TTLL4: variants seen among roughly 807,000 people sequenced by gnomAD.
The protein encoded by TTLL4 is tubulin monoglutamylase TTLL4.
A neutral mutation model predicts 122.7 loss-of-function variants in TTLL4; 85 were observed. The observed-to-expected ratio is 0.69, with a 90% confidence interval of 0.58 to 0.83. TTLL4 has a LOEUF of 0.83. TTLL4 is among the 40% of genes least tolerant of loss of function. The pLI is 0.00. For synonymous variants in TTLL4, 553 were observed against 563.0 expected, an observed-to-expected ratio of 0.98 and a Z score of 0.25; for missense variants, 1,363 against 1,488.6, an observed-to-expected ratio of 0.92 and a Z score of 1.39.
At chr2:218,729,760 A>C (rs56400308) in intron 2 of TTLL4, among the ~76,000 whole-genome samples, 28 of 73,750 alleles carry the variant, frequency 3.8e-4, no homozygotes, top group African/African-American at 1.2e-3. Flanking sequence ...AAAAAAAAAA[A>C]AACAAAAAAA....
Position 218,754,792 on chromosome 2 carries a change from T to C in TTLL4, c.*403T>C. 1 of 208,316 alleles carries C rather than the reference T, an allele frequency of 4.8e-6. No individual in the cohort carries two copies. Among genetic ancestry groups the C allele is most frequent in the East Asian group, 1.2e-4 (1 of 8,324 alleles). The allele number at this position is 208,316 out of a possible 1,614,324, so 12.9% of individuals were successfully genotyped here. The stretch of plus-strand genomic sequence containing the variant: ...GAACATATTTGGACCGGAAATCCTT[T>C]GTTCTGAATTTGAGGGGGTCTTCTG... On this transcript the variant is annotated 3_prime_UTR_variant, in exon 20 of 20. Transcript: ENST00000392102.
At position 218,739,138 on chromosome 2, in the gene TTLL4, C is replaced by T; in HGVS notation, c.1462C>T (p.Leu488=). Residue 488 remains leucine (L), a synonymous_variant, in exon 3 of 20, where the codon CTG becomes TTG. Transcript: ENST00000392102. ...GGAGAGACCTGAGGAGGCCAGGGAG[C>T]TGGACTCATCTGATAGGGATATTAG... The part of the protein sequence containing the change: ...EKERPEEARE[L]DSSDRDISSA... 1 of 1,613,460 alleles carries T rather than the reference C, an allele frequency of 6.2e-7. No homozygotes were observed. The highest frequency in any genetic ancestry group is 8.5e-7 in the Non-Finnish European group (1 of 1,179,976).
At chr2:218,717,074 C>A (rs145721621) in intron 1 of TTLL4, among the ~76,000 whole-genome samples, 1 of 152,156 alleles carries the variant, frequency 6.6e-6, no homozygotes, top group East Asian at 1.9e-4. Flanking sequence ...CTCCACCCCC[C>A]AGGCTCAGGT....
chr2:218,739,154 G>C lies in TTLL4; in HGVS notation c.1478G>C (p.Arg493Thr). ...GCCAGGGAGCTGGACTCATCTGATA[G>C]GGATATTAGGTATGTTGGCAATGTT... Reference protein sequence around the residue: ...EEARELDSSDRDISSATDLQP... With the variant: ...EEARELDSSDTDISSATDLQP... The change falls in exon 3 of 20, where the codon AGG (arginine) becomes ACG (threonine). Residue 493 changes from arginine (R) to threonine (T), a missense_variant. Arg to Thr is a moderately conservative substitution (Grantham distance 71, BLOSUM62 -1). Coordinates refer to ENST00000392102, the MANE Select transcript of TTLL4 (RefSeq NM_014640.5). The C allele has an allele frequency of 6.2e-7, 1 of 1,610,280 alleles. No homozygotes were observed. The highest frequency in any genetic ancestry group is 2.2e-5 in the East Asian group (1 of 44,848).
At chr2:218,735,733 C>T (rs1369561569) in intron 2 of TTLL4, among the ~76,000 whole-genome samples, 2 of 148,134 alleles carry the variant, frequency 1.4e-5, no homozygotes, top group East Asian at 2.1e-4. Context: ...AGTGCGATGG[C>T]GCGATCTCGG....
intron 8 of TTLL4, 145 bp downstream of exon 8, chr2:218,746,376 CG>C: frequency 1.2e-6 from 1 of 800,736 alleles, no homozygotes; most frequent in Admixed American, 2.2e-5. Context: ...AAGTACAGGA[CG>C]GGGGTACAGT....
intron 16 of TTLL4, among the ~76,000 whole-genome samples, chr2:218,752,530 C>T (rs534731985): frequency 6.6e-6 from 1 of 152,240 alleles, no homozygotes; most frequent in African/African-American, 2.4e-5. Context: ...ACCTCTCAGC[C>T]CCAGTGGCTC....
At position 218,728,513 on chromosome 2, in the gene TTLL4, G is replaced by A. The variant is rs1942260614; in HGVS notation, c.-99+1166G>A. Among the ~76,000 whole-genome samples the A allele has an allele frequency of 2.6e-5, 4 of 152,234 alleles. No homozygotes were observed. The South Asian group carries it at 8.3e-4, about 31-fold the overall frequency. On this transcript the variant is annotated intron_variant, in intron 2 of 19. Coordinates refer to ENST00000392102, the MANE Select transcript of TTLL4 (RefSeq NM_014640.5). ...CTTACCTAAGTGGTAATGCCCGCTT[G>A]CCCAATGCTCAGCTCCTGCTGTGTG...
chr2:218,749,068 C>G lies in TTLL4; in HGVS notation c.2600+134C>G, dbSNP rs1942942802. The G allele has an allele frequency of 3.2e-6, 4 of 1,244,276 alleles. No individual in the cohort carries two copies. The South Asian group carries it at 5.7e-5, about 18-fold the overall frequency. 77.1% of individuals were successfully genotyped at this position (1,244,276 alleles called of 1,614,324 possible). Reference sequence around the variant, plus strand: ...AAGGACAGAGAATAGGAAGGAGTGGCCAGAGTTAAGTTCTAATGAACCTCA... The same window carrying G: ...AAGGACAGAGAATAGGAAGGAGTGGGCAGAGTTAAGTTCTAATGAACCTCA... On this transcript the variant is annotated intron_variant, in intron 13 of 19. Transcript: ENST00000392102.
At chr2:218,740,632 TTAA>T (rs1240635178) in intron 5 of TTLL4, 48 bp downstream of exon 5, 1 of 1,597,056 alleles carries the variant, frequency 6.3e-7, no homozygotes, top group Admixed American at 1.7e-5. Context: ...CTTTTGTCTC[TTAA>T]AGATTATAAA....
At position 218,738,072 on chromosome 2, in the gene TTLL4, G is replaced by A. The variant is rs1361133920; in HGVS notation, c.396G>A (p.Glu132=). 2 of 1,613,990 alleles carry A rather than the reference G, an allele frequency of 1.2e-6. No individual in the cohort carries two copies. Among genetic ancestry groups the A allele is most frequent in the Non-Finnish European group, 1.7e-6 (2 of 1,180,044 alleles). ...GGCAAAAACCGTACCAGCAACTGGA[G>A]TCTTTCTGCTTGCGTTCGAGCCCGT... The part of the protein sequence containing the change: ...SYRQKPYQQL[E]SFCLRSSPSE... Residue 132 remains glutamate, a synonymous_variant, in exon 3 of 20, where the codon GAG becomes GAA. Coordinates refer to ENST00000392102, the MANE Select transcript of TTLL4 (RefSeq NM_014640.5).
At chr2:218,756,857 C>T (rs1312328525), downstream of TTLL4, among the ~76,000 whole-genome samples, 7 of 152,132 alleles carry the variant, frequency 4.6e-5, no homozygotes, top group African/African-American at 7.2e-5. Flanking sequence ...GGAGGGCAGT[C>T]ACTGCTGTTT....
intron 2 of TTLL4, among the ~76,000 whole-genome samples, chr2:218,728,633 G>A (rs933138190): frequency 2.0e-5 from 3 of 152,188 alleles, no homozygotes; most frequent in Admixed American, 2.0e-4. Flanking sequence ...AATGGAGGAG[G>A]TCCCAAATGG....
chr2:218,747,045 C>T lies in TTLL4; in HGVS notation c.2017C>T (p.Arg673Trp), dbSNP rs776610117. The change falls in exon 9 of 20, where the codon CGG becomes TGG. Residue 673 changes from arginine to tryptophan, a missense_variant. Arg to Trp is a moderately radical substitution (Grantham distance 101). This residue lies in a region of TTLL4 where 596 missense variants were observed against 655.8 expected (regional missense o/e 0.91). Transcript: ENST00000392102. The surrounding 1 kb of genome is among the most constrained non-coding windows in gnomAD (Gnocchi z 4.7). ...CTCATTCCAGATTGGGAGGAAGGAC[C>T]GGCTATGGCGGAACCTGTCACGTAT... ...PGSFQIGRKD[R>W]LWRNLSRMQS... 5.0e-6 allele frequency: 8 copies of T among 1,614,206 alleles called. No individual in the cohort carries two copies. Among genetic ancestry groups the T allele is most frequent in the South Asian group, 1.1e-5 (1 of 91,082 alleles).
At chr2:218,714,737 A>G (rs558785974) in intron 1 of TTLL4, among the ~76,000 whole-genome samples, 15 of 151,832 alleles carry the variant, frequency 9.9e-5, no homozygotes, top group Non-Finnish European at 1.8e-4. Flanking sequence ...TTAAAAAAAA[A>G]GGGATATATA....
chr2:218,745,852 G>A, intron 7 of TTLL4, 51 bp downstream of exon 7: 1 of 1,522,292 alleles, frequency 6.6e-7, no homozygotes, highest in East Asian at 2.3e-5. Context: ...AAATAGATGG[G>A]CTTTGCATAG....
At position 218,738,037 on chromosome 2, in the gene TTLL4, T is replaced by C. The variant is rs1233975474; in HGVS notation, c.361T>C (p.Ser121Pro). The C allele has an allele frequency of 1.9e-6, 3 of 1,613,986 alleles. No homozygotes were observed. The African/African-American group carries it at 4.0e-5, about 22-fold the overall frequency. ...LFNSTLLYRRSSYRQKPYQQL... is the reference protein window; with the variant it reads ...LFNSTLLYRRPSYRQKPYQQL... ...CAACAGCACCCTGCTATACCGCCGCTCCAGCTATAGGCAAAAACCGTACCA... is the reference window on the plus strand; with the variant it reads ...CAACAGCACCCTGCTATACCGCCGCCCCAGCTATAGGCAAAAACCGTACCA... Residue 121 changes from serine to proline, a missense_variant, in exon 3 of 20, where the codon TCC becomes CCC. Physicochemically the swap from Ser to Pro is moderately conservative, Grantham distance 74 (BLOSUM62 -1). This residue lies in a region of TTLL4 where 760 missense variants were observed against 808.4 expected (regional missense o/e 0.94). Coordinates refer to ENST00000392102, the MANE Select transcript of TTLL4 (RefSeq NM_014640.5).
intron 3 of TTLL4, among the ~76,000 whole-genome samples, chr2:218,739,441 A>G (rs927653946): frequency 6.6e-6 from 1 of 152,198 alleles, no homozygotes; most frequent in African/African-American, 2.4e-5. Context: ...AGAGCTGAGT[A>G]GTTGTGATAA....
chr2:218,754,002 A>T, intron 19 of TTLL4, 132 bp from the exon 20 acceptor site: 2 of 1,321,806 alleles, frequency 1.5e-6, no homozygotes, highest in South Asian at 1.4e-5. Flanking sequence ...TATGGTTATT[A>T]CATTTCCATG....
Sources: allele counts gnomAD v4.1 joint callset (sites outside exome capture counted in the v4.1 genomes callset), GRCh38; gene constraint gnomAD v4.1.1; regional missense constraint gnomAD v4.1.1; non-coding constraint Gnocchi (gnomAD v3.1); transcripts MANE v1.5; gene names NCBI Gene and HGNC (gene_info 2026-07-23, HGNC 2026-07-21).